EML5: variants seen among roughly 807,000 people sequenced by gnomAD.
The protein encoded by EML5 is echinoderm microtubule-associated protein-like 5.
A neutral mutation model predicts 250.0 loss-of-function variants in EML5; 120 were observed. That is an observed-to-expected ratio of 0.48 (90% CI 0.41 to 0.56). The LOEUF (loss-of-function observed/expected upper bound fraction) is 0.56, where lower values mean the gene tolerates loss of function less well. Among genes scored for constraint, EML5 ranks in the 20% least tolerant of loss-of-function variants. The pLI is 0.00. For synonymous variants in EML5, 771 were observed against 806.5 expected (o/e 0.96, Z 0.75); for missense variants, 2,006 against 2,437.6 (o/e 0.82, Z 3.73).
rs1484170283 is a variant in EML5, at chr14:88,613,409, T to C, written c.*2409A>G. 6.8e-6 allele frequency: 1 copy of C among 147,502 alleles called. No individual in the cohort carries two copies. Among genetic ancestry groups the C allele is most frequent in the Non-Finnish European group, 1.5e-5 (1 of 67,938 alleles). The allele number at this position is 147,502 out of a possible 1,614,324, so 9.1% of individuals were successfully genotyped here. On this transcript the variant is annotated 3_prime_UTR_variant, in exon 44 of 44. Transcript: ENST00000554922. ...TTTTAGCTATCATTTATAAAGATAG[T>C]TTTGTTCTCAGTTTCACTATAAATT...
At position 88,687,249 on chromosome 14, in the gene EML5, T is replaced by C. The variant is rs370270774; in HGVS notation, c.2821A>G (p.Ile941Val). The change falls in exon 19 of 44, where the codon ATA (isoleucine) becomes GTA (valine). Residue 941 changes from isoleucine (I) to valine (V), a missense_variant. Ile to Val is a conservative substitution (Grantham distance 29). Transcript: ENST00000554922. ...CCTGGGGCCAATGCAGCTCTTTTTATAGCATAGGTCTTGAGACATCTTTCA... is the reference window on the plus strand; with the variant it reads ...CCTGGGGCCAATGCAGCTCTTTTTACAGCATAGGTCTTGAGACATCTTTCA... ...SFERCLKTYA[I>V]KRAALAPGSK... 3.1e-6 allele frequency: 5 copies of C among 1,611,484 alleles called. No individual in the cohort carries two copies. The highest frequency in any genetic ancestry group is 1.1e-5 in the South Asian group (1 of 90,194).
intron 7 of EML5, among the ~76,000 whole-genome samples, chr14:88,730,113 C>T (rs922825903): frequency 1.3e-5 from 2 of 152,156 alleles, no homozygotes; most frequent in Middle Eastern, 3.4e-3. Flanking sequence ...TATATTAATA[C>T]TGGACTTAGA....
At chr14:88,674,825 G>A (rs1356713847) in intron 21 of EML5, among the ~76,000 whole-genome samples, 2 of 152,152 alleles carry the variant, frequency 1.3e-5, no homozygotes, top group African/African-American at 4.8e-5. Context: ...ATACAATGGG[G>A]GTACAGGCAT....
intron 14 of EML5, among the ~76,000 whole-genome samples, chr14:88,700,626 C>T (rs1290127807): frequency 2.0e-5 from 3 of 152,124 alleles, no homozygotes; most frequent in African/African-American, 4.8e-5. Context: ...CTACAACAAG[C>T]ACCTTAGAAC....
At chr14:88,674,855 A>AAAT (rs1190134781) in intron 21 of EML5, among the ~76,000 whole-genome samples, 5 of 152,218 alleles carry the variant, frequency 3.3e-5, no homozygotes, top group African/African-American at 1.2e-4. Context: ...CAGCTGTCCC[A>AAAT]AATAGGGGAA....
At chr14:88,696,006 T>C (rs1764953879) in intron 15 of EML5, among the ~76,000 whole-genome samples, 1 of 152,060 alleles carries the variant, frequency 6.6e-6, no homozygotes, top group Admixed American at 6.5e-5. Flanking sequence ...GTGTGCATGT[T>C]TACAGGCTGT....
At chr14:88,664,438 G>C in intron 23 of EML5, 55 bp downstream of exon 23, 1 of 1,449,224 alleles carries the variant, frequency 6.9e-7, no homozygotes, top group Non-Finnish European at 9.3e-7. Context: ...CTCTAATATA[G>C]CTATACTAAA....
chr14:88,651,237 C>T (rs376367523), intron 27 of EML5, among the ~76,000 whole-genome samples: 1 of 150,610 alleles, frequency 6.6e-6, no homozygotes, highest in Admixed American at 6.6e-5. Context: ...TCTCTCCCTC[C>T]CCACACCTTG....
intron 3 of EML5, among the ~76,000 whole-genome samples, chr14:88,744,438 G>T (rs1486477154): frequency 6.6e-6 from 1 of 151,974 alleles, no homozygotes; most frequent in Non-Finnish European, 1.5e-5. Flanking sequence ...ACAGAAAAGA[G>T]ATTCAGAATG....
chr14:88,674,578 A>C (rs958820450), intron 21 of EML5, among the ~76,000 whole-genome samples: 3 of 152,268 alleles, frequency 2.0e-5, no homozygotes, highest in South Asian at 4.1e-4. Context: ...ACACATGTGA[A>C]TTCGAGATGA....
chr14:88,660,359 C>T (rs2092041310), intron 25 of EML5, among the ~76,000 whole-genome samples: 1 of 151,610 alleles, frequency 6.6e-6, no homozygotes, highest in Admixed American at 6.6e-5. Context: ...TAAGGAAAAG[C>T]CTAATATTTT....
At chr14:88,789,137 T>C (rs1012748087) in intron 1 of EML5, among the ~76,000 whole-genome samples, 4 of 152,068 alleles carry the variant, frequency 2.6e-5, no homozygotes, top group Non-Finnish European at 4.4e-5. Context: ...GACCAAGGTA[T>C]AGATGTGCAT....
In EML5 at chr14:88,714,996, T is replaced by G; in HGVS notation, c.1387A>C (p.Ser463Arg). ...CCATCATTTGTCTGCAAATATCTAC[T>G]GTCTGAAGACCAGTCCAGATGAGTG... ...FITHLDWSSD[S>R]RYLQTNDGNG... Residue 463 changes from serine (S) to arginine (R), a missense_variant, in exon 9 of 44, where the codon AGT (serine) becomes CGT (arginine). Physicochemically the swap from Ser to Arg is moderately radical, Grantham distance 110. Coordinates refer to ENST00000554922, the MANE Select transcript of EML5 (RefSeq NM_183387.3). 6.2e-7 allele frequency: 1 copy of G among 1,613,800 alleles called. No individual in the cohort carries two copies. The highest frequency in any genetic ancestry group is 8.5e-7 in the Non-Finnish European group (1 of 1,179,808).
At chr14:88,786,239 A>G (rs987149068) in intron 1 of EML5, among the ~76,000 whole-genome samples, 1 of 152,212 alleles carries the variant, frequency 6.6e-6, no homozygotes, top group African/African-American at 2.4e-5. Context: ...AATAGTTTCT[A>G]TCGCATTTTC....
At chr14:88,713,951 T>C (rs1026389343) in intron 9 of EML5, among the ~76,000 whole-genome samples, 1 of 149,746 alleles carries the variant, frequency 6.7e-6, no homozygotes, top group African/African-American at 2.5e-5. Context: ...GACCCTCCCA[T>C]CCCGACCTCC....
chr14:88,778,725 G>A (rs561209927), intron 1 of EML5, among the ~76,000 whole-genome samples: 12 of 152,218 alleles, frequency 7.9e-5, no homozygotes, highest in Non-Finnish European at 1.6e-4. Flanking sequence ...GTTGCAGTGA[G>A]CCAAGAATGC....
rs544566412 is a variant in EML5, at chr14:88,711,748, C to G, written c.1657+523G>C. Among the ~76,000 whole-genome samples, 9 of 152,200 alleles carry G rather than the reference C, an allele frequency of 5.9e-5. No individual in the cohort carries two copies. In the South Asian group the frequency reaches 1.9e-3, roughly 32 times the overall value. On this transcript the variant is annotated intron_variant, in intron 10 of 43. Coordinates refer to ENST00000554922, the MANE Select transcript of EML5 (RefSeq NM_183387.3). ...CACCTGAGGTGAGGACTTTAAGACACAGCCTGGCCAACATGGTGAAACCCT... is the reference window on the plus strand; with the variant it reads ...CACCTGAGGTGAGGACTTTAAGACAGAGCCTGGCCAACATGGTGAAACCCT...
At chr14:88,699,247 G>GA in intron 14 of EML5, among the ~76,000 whole-genome samples, 1 of 151,994 alleles carries the variant, frequency 6.6e-6, no homozygotes, top group East Asian at 1.9e-4. Flanking sequence ...TAAAAGATGT[G>GA]AAATAGCATT....
At chr14:88,753,143 G>C (rs1179657303) in intron 2 of EML5, among the ~76,000 whole-genome samples, 1 of 152,120 alleles carries the variant, frequency 6.6e-6, no homozygotes, top group Non-Finnish European at 1.5e-5. Context: ...GGCTCCAGAG[G>C]TTGTGGGTAA....
Sources: allele counts gnomAD v4.1 joint callset (sites outside exome capture counted in the v4.1 genomes callset), GRCh38; gene constraint gnomAD v4.1.1; transcripts MANE v1.5; gene names NCBI Gene and HGNC (gene_info 2026-07-23, HGNC 2026-07-21).